DGKI: variants seen among roughly 807,000 people sequenced by gnomAD.
DGKI encodes the protein DAG kinase iota.
DGKI carries 55 observed loss-of-function variants against 147.5 expected under a neutral mutation model. That is an observed-to-expected ratio of 0.37 (90% CI 0.30 to 0.47). The LOEUF (loss-of-function observed/expected upper bound fraction) is 0.47. Among genes scored for constraint, DGKI ranks in the 20% least tolerant of loss-of-function variants. The pLI is 1.00. For synonymous variants in DGKI, 469 were observed against 477.1 expected (o/e 0.98, Z 0.22); for missense variants, 1,007 against 1,323.8 (o/e 0.76, Z 3.71).
chr7:137,694,425 T>G (rs2116476240), intron 1 of DGKI, among the ~76,000 whole-genome samples: 1 of 152,332 alleles, frequency 6.6e-6, no homozygotes, highest in East Asian at 1.9e-4. Flanking sequence ...GGTTCCAGTT[T>G]CAGTCTGATT....
intron 1 of DGKI, among the ~76,000 whole-genome samples, chr7:137,843,797 C>CACACACACACT (rs1798628401): frequency 1.3e-5 from 1 of 76,748 alleles, no homozygotes; most frequent in Admixed American, 1.3e-4. Context: ...ACACACACAC[C>CACACACACACT]CTCTCTCCCA....
intron 19 of DGKI, among the ~76,000 whole-genome samples, chr7:137,555,870 A>G (rs1006891878): frequency 6.6e-6 from 1 of 152,210 alleles, no homozygotes; most frequent in Non-Finnish European, 1.5e-5. Context: ...TTTAGAAAAT[A>G]TGATGCTATA....
At chr7:137,605,209 G>C (rs928328610) in intron 10 of DGKI, among the ~76,000 whole-genome samples, 7 of 151,976 alleles carry the variant, frequency 4.6e-5, no homozygotes, top group African/African-American at 9.7e-5. Context: ...TTGGGAGGCT[G>C]AGCCAAGAGA....
intron 1 of DGKI, among the ~76,000 whole-genome samples, chr7:137,836,326 A>G (rs980894232): frequency 2.0e-5 from 3 of 152,232 alleles, no homozygotes; most frequent in Admixed American, 2.0e-4. Context: ...GGAACTTTCT[A>G]GGTGTCTCTA....
chr7:137,766,598 G>A (rs1283179332), intron 1 of DGKI, among the ~76,000 whole-genome samples: 1 of 152,158 alleles, frequency 6.6e-6, no homozygotes, highest in Non-Finnish European at 1.5e-5. Context: ...AAGTGTCATG[G>A]ACTTCCTCCA....
chr7:137,534,216 T>C (rs1817440680), intron 20 of DGKI, among the ~76,000 whole-genome samples: 2 of 152,150 alleles, frequency 1.3e-5, no homozygotes, highest in East Asian at 3.8e-4. Context: ...TGTCAGAGGA[T>C]AATGTCAGTT....
At chr7:137,600,858 C>T (rs1486443046) in intron 10 of DGKI, among the ~76,000 whole-genome samples, 3 of 152,206 alleles carry the variant, frequency 2.0e-5, no homozygotes, top group African/African-American at 7.2e-5. Context: ...CCAAACACTT[C>T]TCTGTCACGT....
At chr7:137,618,127 CTATATA>C (rs1164221520) in intron 8 of DGKI, among the ~76,000 whole-genome samples, 1 of 16,194 alleles carries the variant, frequency 6.2e-5, no homozygotes, top group Middle Eastern at 0.12. Context: ...TTCTAAAATA[CTATATA>C]TATATATATA....
intron 23 of DGKI, among the ~76,000 whole-genome samples, chr7:137,471,354 T>C (rs529487505): frequency 1.3e-5 from 2 of 152,188 alleles, no homozygotes; most frequent in African/African-American, 2.4e-5. Flanking sequence ...TGATCTTGTG[T>C]GTACAGAGGG....
chr7:137,545,419 C>T (rs1433699888), intron 20 of DGKI, among the ~76,000 whole-genome samples: 3 of 152,134 alleles, frequency 2.0e-5, no homozygotes, highest in African/African-American at 4.8e-5. Flanking sequence ...ATGCATTTTG[C>T]TAACTCAGTG....
chr7:137,638,527 CA>C (rs1563125503), intron 6 of DGKI, among the ~76,000 whole-genome samples: 2 of 93,850 alleles, frequency 2.1e-5, no homozygotes, highest in Non-Finnish European at 3.9e-5. Flanking sequence ...TATATATATA[CA>C]CACACATATA....
intron 30 of DGKI, among the ~76,000 whole-genome samples, chr7:137,405,635 G>A (rs545986192): frequency 6.6e-6 from 1 of 152,240 alleles, no homozygotes; most frequent in South Asian, 2.1e-4. Flanking sequence ...AATCTGGGCT[G>A]GCCCTGTGAC....
chr7:137,717,264 C>T (rs541355360), intron 1 of DGKI, among the ~76,000 whole-genome samples: 6 of 152,122 alleles, frequency 3.9e-5, no homozygotes, highest in African/African-American at 9.6e-5. Flanking sequence ...ATTATTTAGT[C>T]GTGAGAAGAA....
rs1359559636 is a variant in DGKI, at chr7:137,412,207, G to A, written c.2762C>T (p.Ala921Val). Residue 921 changes from alanine (A) to valine (V), a missense_variant and splice_region_variant, in exon 29 of 33, where the codon GCA becomes GTA. Physicochemically the swap from Ala to Val is moderately conservative, Grantham distance 64. Coordinates refer to ENST00000614521, the MANE Select transcript of DGKI (RefSeq NM_001321708.2). ...ACCAGCTATTACTGCCTGCAAAATT[G>A]CTGTGAAAGACAAAAGAGAGATGTC... ...LQSPVSSEDH[A>V]ILQAVIAGDL... 6.2e-7 allele frequency: 1 copy of A among 1,613,486 alleles called. No individual in the cohort carries two copies. The highest frequency in any genetic ancestry group is 2.2e-5 in the East Asian group (1 of 44,868).
chr7:137,837,768 G>T (rs1322977551), intron 1 of DGKI, among the ~76,000 whole-genome samples: 1 of 152,142 alleles, frequency 6.6e-6, no homozygotes, highest in Non-Finnish European at 1.5e-5. Flanking sequence ...AGAAATGTCT[G>T]TTGTTTAGAA....
intron 30 of DGKI, among the ~76,000 whole-genome samples, chr7:137,401,148 T>C (rs1475754603): frequency 6.6e-6 from 1 of 152,176 alleles, no homozygotes; most frequent in African/African-American, 2.4e-5. Flanking sequence ...ACTTTTAGTG[T>C]AGAAACAATA....
At chr7:137,836,155 C>T (rs912704951) in intron 1 of DGKI, among the ~76,000 whole-genome samples, 8 of 152,136 alleles carry the variant, frequency 5.3e-5, no homozygotes, top group African/African-American at 9.7e-5. Context: ...ATCCCTTAGA[C>T]TTTGTTATAA....
chr7:137,826,124 A>C (rs1421625415), intron 1 of DGKI, among the ~76,000 whole-genome samples: 1 of 152,180 alleles, frequency 6.6e-6, no homozygotes, highest in East Asian at 1.9e-4. Context: ...AAGACTGTTC[A>C]TCACTCTGGG....
intron 1 of DGKI, among the ~76,000 whole-genome samples, chr7:137,793,461 C>T (rs893605183): frequency 8.6e-5 from 13 of 152,014 alleles, no homozygotes; most frequent in South Asian, 4.2e-4. Flanking sequence ...CCACCATGCC[C>T]GGCTAATTTT....
Sources: allele counts gnomAD v4.1 joint callset (sites outside exome capture counted in the v4.1 genomes callset), GRCh38; gene constraint gnomAD v4.1.1; transcripts MANE v1.5; gene names NCBI Gene and HGNC (gene_info 2026-07-23, HGNC 2026-07-21).